MARCHF10: variants seen among roughly 807,000 people sequenced by gnomAD.
The protein encoded by MARCHF10 is membrane associated ring-CH-type finger 10, also known as probable E3 ubiquitin-protein ligase MARCHF10.
Under a neutral mutation model 76.2 loss-of-function variants are expected in MARCHF10, and 64 were observed. The observed-to-expected ratio is 0.84, with a 90% CI of 0.69 to 1.03. MARCHF10 has a LOEUF of 1.03. Ranked by LOEUF, MARCHF10 falls within the 50% of genes least tolerant of loss-of-function variation. The pLI is 0.00. For synonymous variants in MARCHF10, 340 were observed against 357.5 expected (o/e 0.95, Z 0.55); for missense variants, 875 against 958.0 (o/e 0.91, Z 1.14).
intron 3 of MARCHF10, among the ~76,000 whole-genome samples, chr17:62,762,460 G>C (rs1275715323): frequency 6.6e-6 from 1 of 152,174 alleles, no homozygotes; most frequent in Non-Finnish European, 1.5e-5. Context: ...TTTCCTGCTT[G>C]CCTCATTGAG....
In MARCHF10 at chr17:62,792,831, GCCA is replaced by G. The variant is rs533806314; in HGVS notation, c.91-4235_91-4233del. On this transcript the variant is annotated intron_variant, in intron 2 of 10. Coordinates refer to ENST00000311269, the MANE Select transcript of MARCHF10 (RefSeq NM_152598.4). ...CATCACCACCACCACCACCTCCACT[GCCA>G]CCACCACCTCCACCACCACCACAAC... 1.1e-4 allele frequency among the ~76,000 whole-genome samples: 4 copies of G among 36,998 alleles called. No homozygotes were observed. The South Asian group carries it at 2.8e-3, about 26-fold the overall frequency. The allele number at this position is 36,998 out of a possible 152,430, so 24.3% of individuals were successfully genotyped here.
intron 3 of MARCHF10, among the ~76,000 whole-genome samples, chr17:62,760,710 T>A (rs938479560): frequency 6.6e-6 from 1 of 152,210 alleles, no homozygotes; most frequent in African/African-American, 2.4e-5. Context: ...AATATAAATA[T>A]CAGAAACCTG....
intron 3 of MARCHF10, among the ~76,000 whole-genome samples, chr17:62,780,375 A>G (rs1232064477): frequency 6.6e-6 from 1 of 152,200 alleles, no homozygotes; most frequent in Non-Finnish European, 1.5e-5. Context: ...GTTAATCTCT[A>G]AAATTCGTGT....
intron 2 of MARCHF10, among the ~76,000 whole-genome samples, chr17:62,791,676 T>C (rs2092845306): frequency 6.6e-6 from 1 of 152,222 alleles, no homozygotes; most frequent in Non-Finnish European, 1.5e-5. Context: ...CTCAAAGTTA[T>C]AGCTTTGCTG....
chr17:62,744,402 G>A lies in MARCHF10; in HGVS notation c.509C>T (p.Ala170Val), dbSNP rs756450778. The change falls in exon 5 of 11, where the codon GCA becomes GTA. Residue 170 changes from alanine (A) to valine (V), a missense_variant. Coordinates refer to ENST00000311269, the MANE Select transcript of MARCHF10 (RefSeq NM_152598.4). Reference protein sequence around the residue: ...DRSRQKQQWPAKVPVPRGADQ... With the variant: ...DRSRQKQQWPVKVPVPRGADQ... The stretch of plus-strand genomic sequence containing the variant: ...TGCTCCCCTGGGAACCGGCACCTTT[G>A]CAGGCCACTGCTGTTTCTGTCTGCT... The A allele has an allele frequency of 1.2e-6, 2 of 1,613,994 alleles. No individual in the cohort carries two copies. The highest frequency in any genetic ancestry group is 2.2e-5 in the South Asian group (2 of 91,046).
chr17:62,727,250 C>G (rs1162307183), intron 6 of MARCHF10, among the ~76,000 whole-genome samples: 13 of 152,266 alleles, frequency 8.5e-5, no homozygotes, highest in African/African-American at 2.6e-4. Context: ...GGTGGGGATC[C>G]ACTGGCTACC....
At chr17:62,704,035 G>A (rs1357002762) in intron 10 of MARCHF10, among the ~76,000 whole-genome samples, 1 of 151,660 alleles carries the variant, frequency 6.6e-6, no homozygotes, top group Non-Finnish European at 1.5e-5. Flanking sequence ...TCTCCGGGGC[G>A]GGGCTGGGGA....
At chr17:62,747,099 G>A (rs1368224165) in intron 4 of MARCHF10, 2 of 713,338 alleles carry the variant, frequency 2.8e-6, no homozygotes, top group Non-Finnish European at 4.7e-6. Context: ...CCTTAAGAAT[G>A]AGGATCGTCT....
At chr17:62,800,019 C>T (rs748241515) in intron 2 of MARCHF10, among the ~76,000 whole-genome samples, 15 of 152,198 alleles carry the variant, frequency 9.9e-5, no homozygotes, top group Admixed American at 2.0e-4. Flanking sequence ...CCGCCTCCAA[C>T]CCCTTAACCT....
intron 10 of MARCHF10, among the ~76,000 whole-genome samples, chr17:62,702,290 C>T (rs1023754862): frequency 3.3e-5 from 5 of 151,952 alleles, no homozygotes; most frequent in Non-Finnish European, 5.9e-5. Context: ...CTTTATTCTT[C>T]GGGGAAACTC....
chr17:62,704,946 G>C, intron 10 of MARCHF10: 1 of 837,084 alleles, frequency 1.2e-6, no homozygotes, highest in African/African-American at 1.9e-5. Flanking sequence ...TTCTCCAGTC[G>C]TTTTTTTTTT....
chr17:62,774,826 T>G (rs1325577621), intron 3 of MARCHF10, among the ~76,000 whole-genome samples: 4 of 151,954 alleles, frequency 2.6e-5, no homozygotes, highest in Middle Eastern at 6.8e-3. Context: ...GAGGCTGAGG[T>G]GAGTGGATCA....
chr17:62,744,297 C>T, intron 5 of MARCHF10, 79 bp downstream of exon 5: 1 of 1,464,716 alleles, frequency 6.8e-7, no homozygotes, highest in Non-Finnish European at 9.3e-7. Context: ...TATCTAAAAA[C>T]CATAAAGAAT....
chr17:62,783,990 T>C (rs942864176), intron 3 of MARCHF10, among the ~76,000 whole-genome samples: 6 of 151,980 alleles, frequency 3.9e-5, no homozygotes, highest in Non-Finnish European at 8.8e-5. Flanking sequence ...TTCCAATCAA[T>C]AGAAAAAGAG....
chr17:62,771,342 G>A (rs1308778167), intron 3 of MARCHF10, among the ~76,000 whole-genome samples: 1 of 151,970 alleles, frequency 6.6e-6, no homozygotes, highest in Non-Finnish European at 1.5e-5. Flanking sequence ...GGCATGGCGG[G>A]AGGGGGTGAG....
In MARCHF10 at chr17:62,701,482, C is replaced by T; in HGVS notation, c.*221G>A. The T allele has an allele frequency of 9.3e-7, 1 of 1,075,002 alleles. No individual in the cohort carries two copies. Among genetic ancestry groups the T allele is most frequent in the East Asian group, 2.8e-5 (1 of 36,018 alleles). The allele number at this position is 1,075,002 out of a possible 1,614,324, so 66.6% of individuals were successfully genotyped here. A position where few individuals can be genotyped will look rare whatever the true frequency, so the allele number is the denominator to read the frequency against. On this transcript the variant is annotated 3_prime_UTR_variant, in exon 11 of 11. Transcript: ENST00000311269. ...CAGCCTGCCAGGGGCTCCACAGTCC[C>T]ACGCTGCTTGACCTGTGCTGTCTGG...
intron 3 of MARCHF10, among the ~76,000 whole-genome samples, chr17:62,786,600 A>C (rs754897295): frequency 3.7e-4 from 57 of 152,202 alleles, no homozygotes; most frequent in Non-Finnish European, 7.6e-4. Context: ...TATAAACTGT[A>C]TTATAGAAGC....
chr17:62,793,027 C>G (rs1285823387), intron 2 of MARCHF10, among the ~76,000 whole-genome samples: 1 of 149,014 alleles, frequency 6.7e-6, no homozygotes, highest in African/African-American at 2.5e-5. Flanking sequence ...ACCATCACCA[C>G]CACCTCCATC....
At chr17:62,709,672 C>T (rs778935434) in intron 9 of MARCHF10, among the ~76,000 whole-genome samples, 2 of 152,114 alleles carry the variant, frequency 1.3e-5, no homozygotes, top group Admixed American at 6.5e-5. Context: ...ATGTTTTCTA[C>T]GAGAAATTAC....
Sources: allele counts gnomAD v4.1 joint callset (sites outside exome capture counted in the v4.1 genomes callset), GRCh38; gene constraint gnomAD v4.1.1; transcripts MANE v1.5; gene names NCBI Gene and HGNC (gene_info 2026-07-23, HGNC 2026-07-21).